QTMAN: variants seen among roughly 807,000 people sequenced by gnomAD.
QTMAN encodes the protein tRNA-queuosine alpha-mannosyltransferase.
the QTMAN span, among the ~76,000 whole-genome samples, chr2:144,218,441 A>G: frequency 2.2e-4 from 34 of 152,258 alleles, no homozygotes; most frequent in Non-Finnish European, 4.1e-4. Context: ...TTACACTGGC[A>G]TTTTTTATTG....
At chr2:144,080,204 CCAAA>C in the QTMAN span, among the ~76,000 whole-genome samples, 188 of 152,154 alleles carry the variant, frequency 1.2e-3, no homozygotes, top group African/African-American at 4.3e-3. Context: ...TCTCTAATTA[CCAAA>C]CAATCTCCTC....
the QTMAN span, chr2:144,319,814 C>T: frequency 6.6e-6 from 1 of 152,112 alleles, no homozygotes; most frequent in African/African-American, 2.4e-5. Flanking sequence ...GAGATTTGAA[C>T]CTGCTGCAGA....
the QTMAN span, chr2:143,970,652 C>T: frequency 4.4e-5 from 66 of 1,506,402 alleles, no homozygotes; most frequent in South Asian, 6.8e-4. Flanking sequence ...AACAGAGGTA[C>T]CTGGGACATC....
the QTMAN span, among the ~76,000 whole-genome samples, chr2:144,193,012 T>C: frequency 6.6e-6 from 1 of 152,210 alleles, no homozygotes; most frequent in Non-Finnish European, 1.5e-5. Flanking sequence ...AGAGATGATG[T>C]ATAAATGTGA....
At chr2:144,123,595 G>C in the QTMAN span, among the ~76,000 whole-genome samples, 1 of 152,060 alleles carries the variant, frequency 6.6e-6, no homozygotes, top group Non-Finnish European at 1.5e-5. Context: ...TGATTACTTA[G>C]ACCAAGGCTG....
At chr2:144,221,727 T>C in the QTMAN span, among the ~76,000 whole-genome samples, 1 of 152,250 alleles carries the variant, frequency 6.6e-6, no homozygotes, top group African/African-American at 2.4e-5. Flanking sequence ...TTCCAGGAGC[T>C]TGCAAGTGTT....
chr2:144,277,655 T>C, the QTMAN span, among the ~76,000 whole-genome samples: 55 of 149,990 alleles, frequency 3.7e-4, no homozygotes, highest in African/African-American at 1.3e-3. Flanking sequence ...ACCTACAAAA[T>C]TTTTTTTTTC....
the QTMAN span, among the ~76,000 whole-genome samples, chr2:144,060,761 G>T: frequency 3.9e-5 from 6 of 152,096 alleles, no homozygotes; most frequent in Admixed American, 3.3e-4. Flanking sequence ...GAAAATTATT[G>T]AAAATTAAGC....
the QTMAN span, among the ~76,000 whole-genome samples, chr2:144,241,560 C>A: frequency 6.6e-6 from 1 of 152,138 alleles, no homozygotes; most frequent in Non-Finnish European, 1.5e-5. Flanking sequence ...TAAGCAGAAT[C>A]AGAATTTAAA....
chr2:144,282,557 C>T, the QTMAN span, among the ~76,000 whole-genome samples: 1 of 151,990 alleles, frequency 6.6e-6, no homozygotes, highest in African/African-American at 2.4e-5. Context: ...TGGAATTAGG[C>T]ATCAGCATCA....
chr2:144,006,933 C>T, the QTMAN span: 2 of 354,536 alleles, frequency 5.6e-6, no homozygotes, highest in African/African-American at 2.1e-5. Context: ...GCTAGAAGTG[C>T]CTACCCACTA....
chr2:144,144,872 T>C, the QTMAN span, among the ~76,000 whole-genome samples: 1 of 151,914 alleles, frequency 6.6e-6, no homozygotes, highest in African/African-American at 2.4e-5. Context: ...CAGATTCCGT[T>C]TGACTGTTGC....
chr2:144,026,648 G>A, the QTMAN span, among the ~76,000 whole-genome samples: 1 of 152,076 alleles, frequency 6.6e-6, no homozygotes, highest in Non-Finnish European at 1.5e-5. Context: ...GTAGCTGTGT[G>A]ACTTCAGATG....
At chr2:144,203,971 C>T in the QTMAN span, among the ~76,000 whole-genome samples, 30 of 148,158 alleles carry the variant, frequency 2.0e-4, no homozygotes, top group South Asian at 8.7e-4. Context: ...GGATCCCTTC[C>T]TTACACCTTA....
the QTMAN span, among the ~76,000 whole-genome samples, chr2:144,279,991 T>G: frequency 6.6e-6 from 1 of 152,146 alleles, no homozygotes; most frequent in Non-Finnish European, 1.5e-5. Context: ...ATGTACTAAG[T>G]GTATGTGGGA....
chr2:143,949,667 T>C, the QTMAN span, among the ~76,000 whole-genome samples: 2 of 151,902 alleles, frequency 1.3e-5, no homozygotes, highest in Non-Finnish European at 3.0e-5. Flanking sequence ...CTTTTCACAG[T>C]ACTCACAAAA....
chr2:143,960,825 G>A, the QTMAN span, among the ~76,000 whole-genome samples: 1 of 151,922 alleles, frequency 6.6e-6, no homozygotes, highest in African/African-American at 2.4e-5. Context: ...AAAAAATACA[G>A]GTAGAAAACA....
chr2:143,980,419 G>A, the QTMAN span, among the ~76,000 whole-genome samples: 4 of 152,150 alleles, frequency 2.6e-5, no homozygotes, highest in African/African-American at 9.7e-5. Context: ...TACATTGTAA[G>A]TTCCTCGAGG....
At chr2:144,295,298 G>C in the QTMAN span, 1 of 152,184 alleles carries the variant, frequency 6.6e-6, no homozygotes, top group Non-Finnish European at 1.5e-5. Flanking sequence ...GTTCTTTTCT[G>C]ATGCTCTCAG....
Sources: gnomAD v4.1 joint callset for allele counts (sites outside exome capture counted in the v4.1 genomes callset) on GRCh38, gnomAD v4.1.1 for gene constraint, MANE v1.5 for transcripts, NCBI Gene and HGNC (gene_info 2026-07-23, HGNC 2026-07-21) for gene names.